WDPCP: variants seen among roughly 807,000 people sequenced by gnomAD.
The protein encoded by WDPCP is WD repeat containing planar cell polarity effector, also known as WD repeat-containing and planar cell polarity effector protein fritz homolog.
Under a neutral mutation model 93.1 loss-of-function variants are expected in WDPCP, and 71 were observed. The ratio of observed to expected loss-of-function variants is 0.76; its 90% CI spans 0.63 to 0.93. The LOEUF is 0.93. Ranked by LOEUF, WDPCP falls within the 40% of genes least tolerant of loss-of-function variation. WDPCP has a pLI of 0.00. For synonymous variants in WDPCP, 315 were observed against 315.0 expected (o/e 1.00, Z 0.00); for missense variants, 844 against 887.4 (o/e 0.95, Z 0.62).
intron 9 of WDPCP, among the ~76,000 whole-genome samples, chr2:63,406,313 AG>A (rs1429289779): frequency 7.2e-5 from 11 of 152,184 alleles, no homozygotes; most frequent in African/African-American, 2.7e-4. Flanking sequence ...AAACTGCCAT[AG>A]GATCCATATC....
chr2:63,815,507 T>C (rs114247504), intron 1 of WDPCP, among the ~76,000 whole-genome samples: 94 of 152,356 alleles, frequency 6.2e-4, no homozygotes, highest in African/African-American at 2.1e-3. Context: ...TAAGAAAGCA[T>C]TGAGCTGGGC....
intron 1 of WDPCP, among the ~76,000 whole-genome samples, chr2:63,493,306 TG>T (rs1447050264): frequency 1.3e-5 from 2 of 152,156 alleles, no homozygotes; most frequent in Non-Finnish European, 2.9e-5. Flanking sequence ...AAACATCTGT[TG>T]GTAGTTATTA....
At chr2:63,159,803 A>G (rs528669460) in intron 15 of WDPCP, among the ~76,000 whole-genome samples, 8 of 152,268 alleles carry the variant, frequency 5.3e-5, no homozygotes, top group South Asian at 2.1e-4. Context: ...ATCAGTTTAG[A>G]TCTCAAAGTC....
At chr2:63,701,279 A>C (rs1669046395) in intron 2 of WDPCP, among the ~76,000 whole-genome samples, 2 of 152,240 alleles carry the variant, frequency 1.3e-5, no homozygotes, top group South Asian at 4.1e-4. Flanking sequence ...TAGTCATCAG[A>C]GAAATGCAAA....
chr2:63,243,464 T>G (rs1273522169), intron 14 of WDPCP, among the ~76,000 whole-genome samples: 1 of 152,134 alleles, frequency 6.6e-6, no homozygotes, highest in Non-Finnish European at 1.5e-5. Flanking sequence ...ATCTCCCATT[T>G]TGTAGATTGC....
At chr2:63,638,274 C>A (rs1349269574) in intron 3 of WDPCP, among the ~76,000 whole-genome samples, 1 of 152,002 alleles carries the variant, frequency 6.6e-6, no homozygotes, top group Non-Finnish European at 1.5e-5. Flanking sequence ...TTGAAATTTG[C>A]TATGAGAGTA....
At chr2:63,606,926 T>G (rs770271137) in intron 3 of WDPCP, 11 of 1,613,062 alleles carry the variant, frequency 6.8e-6, no homozygotes, top group Non-Finnish European at 9.3e-6. Flanking sequence ...AAGATGGATC[T>G]TACTGCAAAG....
At chr2:63,742,833 G>A (rs544712282) in intron 2 of WDPCP, among the ~76,000 whole-genome samples, 8 of 151,492 alleles carry the variant, frequency 5.3e-5, no homozygotes, top group African/African-American at 1.7e-4. Context: ...GTAACACAGA[G>A]CCCAATGTTA....
chr2:63,185,116 A>G (rs894455711), intron 14 of WDPCP, among the ~76,000 whole-genome samples: 2 of 152,224 alleles, frequency 1.3e-5, no homozygotes, highest in Non-Finnish European at 1.5e-5. Context: ...TCTCATTCAT[A>G]TCCAGAATTA....
intron 12 of WDPCP, among the ~76,000 whole-genome samples, chr2:63,338,227 C>A (rs1424168548): frequency 2.0e-5 from 3 of 151,996 alleles, no homozygotes; most frequent in African/African-American, 7.2e-5. Context: ...GTAATCCAGT[C>A]TTCCCAGCAT....
At chr2:63,175,391 G>C (rs1178835975) in intron 14 of WDPCP, among the ~76,000 whole-genome samples, 1 of 145,386 alleles carries the variant, frequency 6.9e-6, no homozygotes, top group East Asian at 1.9e-4. Context: ...TATATTTTTT[G>C]TAAGAAACAT....
intron 14 of WDPCP, among the ~76,000 whole-genome samples, chr2:63,226,238 A>T (rs1192742117): frequency 6.6e-6 from 1 of 151,866 alleles, no homozygotes; most frequent in Non-Finnish European, 1.5e-5. Flanking sequence ...GTAAACTCTA[A>T]CTAAATAGCT....
At chr2:63,804,514 C>A (rs549402191) in intron 2 of WDPCP, among the ~76,000 whole-genome samples, 1 of 151,766 alleles carries the variant, frequency 6.6e-6, no homozygotes, top group East Asian at 2.0e-4. Context: ...CTCGGCCTCC[C>A]AAAGTGCTGG....
intron 13 of WDPCP, among the ~76,000 whole-genome samples, chr2:63,272,730 T>C (rs1376792478): frequency 6.6e-6 from 1 of 152,090 alleles, no homozygotes. Context: ...CAAGAAATAA[T>C]CTAAGAACTG....
chr2:63,266,168 A>G (rs981505379), intron 13 of WDPCP, among the ~76,000 whole-genome samples: 6 of 152,218 alleles, frequency 3.9e-5, no homozygotes, highest in Non-Finnish European at 7.3e-5. Flanking sequence ...GCAATTATAC[A>G]TGGAAAAGAA....
intron 2 of WDPCP, among the ~76,000 whole-genome samples, chr2:63,773,368 T>A (rs541936211): frequency 4.4e-4 from 67 of 152,140 alleles, no homozygotes; most frequent in African/African-American, 1.5e-3. Context: ...AACATTTATA[T>A]GACACTCAGA....
At chr2:63,810,644 C>T (rs1268255937) in intron 2 of WDPCP, among the ~76,000 whole-genome samples, 1 of 152,048 alleles carries the variant, frequency 6.6e-6, no homozygotes, top group Non-Finnish European at 1.5e-5. Flanking sequence ...CAGGCAAGTA[C>T]CAAATCAGGG....
intron 2 of WDPCP, among the ~76,000 whole-genome samples, chr2:63,773,324 A>G (rs112083446): frequency 5.3e-5 from 8 of 152,188 alleles, no homozygotes; most frequent in African/African-American, 1.9e-4. Context: ...GTTGAATGAA[A>G]AAGGCCAGAC....
At chr2:63,193,551 T>C (rs905906519) in intron 14 of WDPCP, among the ~76,000 whole-genome samples, 2 of 152,212 alleles carry the variant, frequency 1.3e-5, no homozygotes, top group Non-Finnish European at 1.5e-5. Flanking sequence ...AGTGGCATGA[T>C]CACAGCTCAC....
Sources: allele counts gnomAD v4.1 joint callset (sites outside exome capture counted in the v4.1 genomes callset), GRCh38; gene constraint gnomAD v4.1.1; transcripts MANE v1.5; gene names NCBI Gene and HGNC (gene_info 2026-07-23, HGNC 2026-07-21).